The following KIF13A variants were observed in gnomAD, a reference collection of about 807,000 sequenced individuals.
The protein encoded by KIF13A is kinesin-like protein KIF13A.
Under a neutral mutation model 212.2 loss-of-function variants are expected in KIF13A, and 79 were observed. That is an observed-to-expected ratio of 0.37 (90% CI 0.31 to 0.45). KIF13A has a LOEUF of 0.45. KIF13A is among the 20% of genes least tolerant of loss of function. The probability of loss-of-function intolerance (pLI) is 1.00; values close to 1 mark genes in which losing one functional copy is unlikely to be tolerated. For missense variants in KIF13A, 1,901 were observed against 2,209.0 expected (o/e 0.86, Z 2.79); for synonymous variants, 789 against 808.6 (o/e 0.98, Z 0.41).
intron 2 of KIF13A, chr6:17,953,982 T>G (rs1432703021): frequency 6.5e-6 from 1 of 154,536 alleles, no homozygotes; most frequent in Non-Finnish European, 1.4e-5. Context: ...AAAAAAAATT[T>G]TTTTTTCTTC....
At chr6:17,978,796 T>C (rs1419723314) in intron 2 of KIF13A, among the ~76,000 whole-genome samples, 1 of 152,180 alleles carries the variant, frequency 6.6e-6, no homozygotes, top group African/African-American at 2.4e-5. Flanking sequence ...TTATTGAAAA[T>C]GGAAGACAAT....
chr6:17,950,235 A>G (rs1777736917), intron 2 of KIF13A, among the ~76,000 whole-genome samples: 1 of 152,172 alleles, frequency 6.6e-6, no homozygotes, highest in Non-Finnish European at 1.5e-5. Flanking sequence ...GTTGATCTCC[A>G]TAAATACAAA....
intron 12 of KIF13A, among the ~76,000 whole-genome samples, chr6:17,833,445 T>C (rs1253819756): frequency 6.8e-6 from 1 of 146,584 alleles, no homozygotes; most frequent in African/African-American, 2.5e-5. Context: ...GCAAGAGAGC[T>C]GTGATTGAGC....
At chr6:17,788,742 G>A (rs1417123442) in intron 26 of KIF13A, among the ~76,000 whole-genome samples, 9 of 151,510 alleles carry the variant, frequency 5.9e-5, no homozygotes, top group South Asian at 2.1e-4. Flanking sequence ...TTTTTTCCCC[G>A]AAACAGAGTT....
Position 17,771,786 on chromosome 6 carries a change from A to C in KIF13A, c.4476+122T>G. 2 of 822,436 alleles carry C rather than the reference A, an allele frequency of 2.4e-6. No individual in the cohort carries two copies. Among genetic ancestry groups the C allele is most frequent in the Non-Finnish European group, 1.9e-6 (1 of 518,020 alleles). 50.9% of individuals were successfully genotyped at this position (822,436 alleles called of 1,614,324 possible). A position where few individuals can be genotyped will look rare whatever the true frequency, so the allele number is the denominator to read the frequency against. ...TGAGAAAGAGGAATTCGAGAACGGG[A>C]ACCATGGAGTGATGACCGTGCATGT... On this transcript the variant is annotated intron_variant, in intron 37 of 38. Transcript: ENST00000259711. This position sits in a 1 kb window ranked among gnomAD's most constrained non-coding sequence, Gnocchi z 5.4.
intron 2 of KIF13A, among the ~76,000 whole-genome samples, chr6:17,975,410 T>C (rs1561827125): frequency 2.6e-5 from 4 of 152,148 alleles, no homozygotes; most frequent in East Asian, 1.9e-4. Context: ...TCTGGAGTTT[T>C]TTCCTTTTGG....
chr6:17,981,336 G>A (rs1781058513), intron 2 of KIF13A, among the ~76,000 whole-genome samples: 2 of 150,642 alleles, frequency 1.3e-5, no homozygotes, highest in South Asian at 2.1e-4. Context: ...AATGTAAAAT[G>A]TATTTTTAAC....
In KIF13A at chr6:17,947,169, C is replaced by T. The variant is rs1777473661; in HGVS notation, c.146+39885G>A. 6.6e-6 allele frequency among the ~76,000 whole-genome samples: 1 copy of T among 151,998 alleles called. No homozygotes were observed. Among genetic ancestry groups the T allele is most frequent in the Non-Finnish European group, 1.5e-5 (1 of 68,008 alleles). ...AACTAAGGAAAATAAATATAAAATT[C>T]AGGATAGTCATTTCCTTTCACAGGT... On this transcript the variant is annotated intron_variant, in intron 2 of 38. Transcript: ENST00000259711. This position sits in a 1 kb window ranked among gnomAD's most constrained non-coding sequence, Gnocchi z 4.6.
chr6:17,901,268 A>G (rs1156959297), intron 2 of KIF13A, among the ~76,000 whole-genome samples: 1 of 152,092 alleles, frequency 6.6e-6, no homozygotes, highest in Non-Finnish European at 1.5e-5. Context: ...AAATGTTTCC[A>G]GTATCAGTAA....
intron 3 of KIF13A, among the ~76,000 whole-genome samples, chr6:17,887,424 C>G (rs1263500426): frequency 6.6e-6 from 1 of 152,146 alleles, no homozygotes; most frequent in Non-Finnish European, 1.5e-5. Flanking sequence ...ATTATCCACC[C>G]TACATTCTAT....
intron 2 of KIF13A, among the ~76,000 whole-genome samples, chr6:17,928,315 C>T (rs1775677822): frequency 6.6e-6 from 1 of 152,166 alleles, no homozygotes; most frequent in South Asian, 2.1e-4. Context: ...GTACTCCAAA[C>T]CTGTCTCAGA....
chr6:17,972,835 A>AAAAAAAAAAAG (rs1779932548), intron 2 of KIF13A, among the ~76,000 whole-genome samples: 1 of 21,362 alleles, frequency 4.7e-5, no homozygotes, highest in Admixed American at 3.2e-4. Context: ...GAGAGTGAGA[A>AAAAAAAAAAAG]AAAAAAAAAA....
At chr6:17,887,962 T>G (rs1038799081) in intron 3 of KIF13A, among the ~76,000 whole-genome samples, 2 of 151,636 alleles carry the variant, frequency 1.3e-5, no homozygotes, top group African/African-American at 4.8e-5. Context: ...TGCCTCAGCC[T>G]CCCAAAGTGC....
chr6:17,907,000 C>T (rs1348307261), intron 2 of KIF13A, among the ~76,000 whole-genome samples: 1 of 152,160 alleles, frequency 6.6e-6, no homozygotes. Flanking sequence ...AGAGGTAGCA[C>T]ATTTCAGGGT....
rs1033131197 is a variant in KIF13A, at chr6:17,787,887, G to A, written c.3262-12C>T. 2.0e-6 allele frequency: 3 copies of A among 1,507,544 alleles called. No homozygotes were observed. The highest frequency in any genetic ancestry group is 2.8e-6 in the Non-Finnish European group (3 of 1,083,442). 93.4% of individuals were successfully genotyped at this position (1,507,544 alleles called of 1,614,324 possible). On this transcript the variant is annotated splice_polypyrimidine_tract_variant and intron_variant, in intron 26 of 38. Transcript: ENST00000259711. The surrounding 1 kb of genome is among the most constrained non-coding windows in gnomAD (Gnocchi z 4.6). ...TTTAAGTCTTCTTCCTAACATCAGG[G>A]AGGGAAAATATTTTCCTGTAGACTG...
At chr6:17,948,216 G>A (rs1011731303) in intron 2 of KIF13A, among the ~76,000 whole-genome samples, 4 of 152,180 alleles carry the variant, frequency 2.6e-5, no homozygotes, top group African/African-American at 9.7e-5. Flanking sequence ...CCAGACTGAA[G>A]GATCAGAACA....
rs1026551526 is a variant in KIF13A at position 17,971,448 on chromosome 6, G to T, written c.146+15606C>A. 2.6e-5 allele frequency among the ~76,000 whole-genome samples: 4 copies of T among 151,706 alleles called. No individual in the cohort carries two copies. The highest frequency in any genetic ancestry group is 3.9e-4 in the East Asian group (2 of 5,164). On this transcript the variant is annotated intron_variant, in intron 2 of 38. Coordinates refer to ENST00000259711, the MANE Select transcript of KIF13A (RefSeq NM_022113.6). The surrounding 1 kb of genome is among the most constrained non-coding windows in gnomAD (Gnocchi z 4.2). ...TTTTTTCCTTTTTTTTTGACACAGG[G>T]TCTCACTCTGTCGCCCAGGCTGGAG...
intron 2 of KIF13A, among the ~76,000 whole-genome samples, chr6:17,958,764 T>C (rs1288738240): frequency 2.0e-5 from 3 of 152,192 alleles, no homozygotes; most frequent in Non-Finnish European, 4.4e-5. Flanking sequence ...TGTCAAGGTG[T>C]TGTATTCATC....
chr6:17,812,255 G>A (rs1763494590), intron 17 of KIF13A: 1 of 152,014 alleles, frequency 6.6e-6, no homozygotes, highest in Non-Finnish European at 1.5e-5. Flanking sequence ...ATGACTAAGG[G>A]GTTTGATGTA....
Sources: gnomAD v4.1 joint callset for allele counts (sites outside exome capture counted in the v4.1 genomes callset) on GRCh38, gnomAD v4.1.1 for gene constraint, Gnocchi (gnomAD v3.1) non-coding constraint, MANE v1.5 for transcripts, NCBI Gene and HGNC (gene_info 2026-07-23, HGNC 2026-07-21) for gene names.